MACROD2: variants seen among roughly 807,000 people sequenced by gnomAD.
MACROD2 encodes the protein mono-ADP ribosylhydrolase 2.
Under a neutral mutation model 70.4 loss-of-function variants are expected in MACROD2, and 36 were observed. The observed-to-expected ratio is 0.51, with a 90% CI of 0.39 to 0.68. The LOEUF is 0.68. Ranked by LOEUF, MACROD2 falls within the 30% of genes least tolerant of loss-of-function variation. The probability of loss-of-function intolerance (pLI) is 0.00; values close to 1 mark genes in which losing one functional copy is unlikely to be tolerated. For synonymous variants in MACROD2, 172 were observed against 178.8 expected (o/e 0.96, Z 0.30); for missense variants, 496 against 538.4 (o/e 0.92, Z 0.78).
intron 9 of MACROD2, among the ~76,000 whole-genome samples, chr20:15,877,245 C>T (rs1188024150): frequency 6.6e-6 from 1 of 152,080 alleles, no homozygotes; most frequent in Non-Finnish European, 1.5e-5. Flanking sequence ...TGAACATATC[C>T]AAAATTAAAT....
rs142311133 is a variant in MACROD2, at chr20:14,416,019, C to T, written c.272-77460C>T. 3.0e-3 allele frequency among the ~76,000 whole-genome samples: 457 copies of T among 150,216 alleles called. 2 individuals carry two copies. Among genetic ancestry groups the T allele is most frequent in the African/African-American group, 1.0e-2 (408 of 40,854 alleles). On this transcript the variant is annotated intron_variant, in intron 3 of 17. Coordinates refer to ENST00000684519, the MANE Select transcript of MACROD2 (RefSeq NM_001351661.2). ...CTGTTGCCAGACTGGAGTGCAGTGG[C>T]GCGATCTCAGCTCACTGCAACCTCC...
chr20:15,351,910 G>A (rs1269411551), intron 6 of MACROD2, among the ~76,000 whole-genome samples: 1 of 152,128 alleles, frequency 6.6e-6, no homozygotes, highest in African/African-American at 2.4e-5. Flanking sequence ...AATAACATGT[G>A]GCTTCAGAAC....
chr20:14,684,160 C>T (rs888830459), intron 4 of MACROD2, among the ~76,000 whole-genome samples: 7 of 152,106 alleles, frequency 4.6e-5, no homozygotes, highest in East Asian at 1.9e-4. Context: ...TGCTTCAGGC[C>T]GTGCCAAGTG....
intron 2 of MACROD2, among the ~76,000 whole-genome samples, chr20:14,040,327 G>A (rs1433088697): frequency 6.6e-6 from 1 of 152,108 alleles, no homozygotes; most frequent in Non-Finnish European, 1.5e-5. Flanking sequence ...AATAGTATTT[G>A]TGTATCTAAA....
chr20:14,392,511 A>G (rs1425122604), intron 3 of MACROD2, among the ~76,000 whole-genome samples: 2 of 152,208 alleles, frequency 1.3e-5, no homozygotes, highest in Non-Finnish European at 2.9e-5. Context: ...CTTGTTATAT[A>G]TGATAATTAA....
At position 15,018,027 on chromosome 20, in the gene MACROD2, A is replaced by G. The variant is rs530771567; in HGVS notation, c.419-211913A>G. On this transcript the variant is annotated intron_variant, in intron 5 of 17. Transcript: ENST00000684519. Reference sequence around the variant, plus strand: ...AATAATATTAGGCTCCTTACTACTTATGCAAATTTCTGCAGCCGCCTTGAA... The same window carrying G: ...AATAATATTAGGCTCCTTACTACTTGTGCAAATTTCTGCAGCCGCCTTGAA... 2.0e-4 allele frequency among the ~76,000 whole-genome samples: 30 copies of G among 152,304 alleles called. No homozygotes were observed. In the South Asian group the frequency reaches 6.0e-3, roughly 31 times the overall value.
intron 5 of MACROD2, among the ~76,000 whole-genome samples, chr20:15,173,429 A>T (rs1013025806): frequency 4.6e-5 from 7 of 152,098 alleles, no homozygotes; most frequent in Non-Finnish European, 1.0e-4. Flanking sequence ...GATTTTTTTT[A>T]TCTTCTCCTA....
chr20:15,064,126 G>C (rs922256675), intron 5 of MACROD2, among the ~76,000 whole-genome samples: 2 of 152,008 alleles, frequency 1.3e-5, no homozygotes, highest in African/African-American at 4.8e-5. Flanking sequence ...TTTTTTAGAG[G>C]GTGGGTGTAT....
At chr20:14,238,337 C>A (rs2081896595) in intron 3 of MACROD2, among the ~76,000 whole-genome samples, 2 of 152,188 alleles carry the variant, frequency 1.3e-5, no homozygotes, top group Non-Finnish European at 2.9e-5. Flanking sequence ...TGTAGAAAAA[C>A]CTTTTAATGA....
chr20:15,138,571 T>C (rs1286196142), intron 5 of MACROD2, among the ~76,000 whole-genome samples: 1 of 152,202 alleles, frequency 6.6e-6, no homozygotes, highest in East Asian at 1.9e-4. Context: ...AGAAATGGTT[T>C]AATTTTCTCT....
chr20:15,908,123 G>GT (rs11469043), intron 10 of MACROD2, among the ~76,000 whole-genome samples: 2 of 152,052 alleles, frequency 1.3e-5, no homozygotes, highest in Admixed American at 6.5e-5. Context: ...TTTTTGCTGT[G>GT]TTTTTTGTTT....
chr20:15,811,292 C>T (rs529449893), intron 8 of MACROD2, among the ~76,000 whole-genome samples: 86 of 151,640 alleles, frequency 5.7e-4, no homozygotes, highest in African/African-American at 2.0e-3. Context: ...TGAACAGACA[C>T]TTCTCAAAAG....
At chr20:15,942,311 G>C (rs2147343400) in intron 12 of MACROD2, among the ~76,000 whole-genome samples, 1 of 152,268 alleles carries the variant, frequency 6.6e-6, no homozygotes, top group Middle Eastern at 3.4e-3. Flanking sequence ...GGCAGGAGTT[G>C]AGCTGGGAGC....
chr20:16,015,978 T>C (rs1445873103), intron 15 of MACROD2, among the ~76,000 whole-genome samples: 7 of 152,122 alleles, frequency 4.6e-5, no homozygotes. Context: ...AGGGAACTTA[T>C]AGATTATCCT....
At chr20:14,437,516 C>A (rs1264159588) in intron 3 of MACROD2, among the ~76,000 whole-genome samples, 1 of 152,044 alleles carries the variant, frequency 6.6e-6, no homozygotes, top group African/African-American at 2.4e-5. Context: ...ATCACTTGAA[C>A]CAGGGAAGAA....
At chr20:14,664,476 T>C (rs2070876026) in intron 4 of MACROD2, among the ~76,000 whole-genome samples, 1 of 152,128 alleles carries the variant, frequency 6.6e-6, no homozygotes, top group African/African-American at 2.4e-5. Flanking sequence ...TTTTTAGGCA[T>C]GTAATAACAT....
intron 3 of MACROD2, among the ~76,000 whole-genome samples, chr20:14,395,008 T>G (rs1243869632): frequency 6.6e-6 from 1 of 152,132 alleles, no homozygotes; most frequent in African/African-American, 2.4e-5. Flanking sequence ...TTAAGATTTT[T>G]TATATATATT....
chr20:14,925,718 T>C (rs1236009729), intron 5 of MACROD2, among the ~76,000 whole-genome samples: 1 of 152,192 alleles, frequency 6.6e-6, no homozygotes, highest in African/African-American at 2.4e-5. Flanking sequence ...CTCCACAGAG[T>C]ATGACAACAT....
At chr20:15,854,274 T>C (rs2064333123) in intron 8 of MACROD2, among the ~76,000 whole-genome samples, 2 of 152,120 alleles carry the variant, frequency 1.3e-5, no homozygotes, top group Admixed American at 1.3e-4. Context: ...GGCACACTCT[T>C]GCTGGCGTGG....
Sources: gnomAD v4.1 joint callset for allele counts (sites outside exome capture counted in the v4.1 genomes callset) on GRCh38, gnomAD v4.1.1 for gene constraint, MANE v1.5 for transcripts, NCBI Gene and HGNC (gene_info 2026-07-23, HGNC 2026-07-21) for gene names.